Variants in ADAMTSL1 observed in about 807,000 individuals in gnomAD.
ADAMTSL1 encodes the protein ADAMTS-like protein 1.
In ADAMTSL1, 126 loss-of-function variants were observed where a neutral mutation model predicts 201.8. The observed-to-expected ratio is 0.62, with a 90% CI of 0.54 to 0.72. The LOEUF (loss-of-function observed/expected upper bound fraction) is 0.72, where lower values mean the gene tolerates loss of function less well. ADAMTSL1 is among the 30% of genes least tolerant of loss of function. The pLI, the probability that ADAMTSL1 is intolerant of heterozygous loss-of-function variation, is 0.00. For missense variants in ADAMTSL1, 2,679 were observed against 2,277.8 expected, an observed-to-expected ratio of 1.18 and a Z score of -3.59; for synonymous variants, 1,121 against 903.4, an observed-to-expected ratio of 1.24 and a Z score of -4.32.
chr9:18,100,574 C>G (rs1193543782), intron 1 of ADAMTSL1, among the ~76,000 whole-genome samples: 2 of 152,160 alleles, frequency 1.3e-5, no homozygotes, highest in Non-Finnish European at 2.9e-5. Context: ...TCTGAAACTT[C>G]CTAAGTCTAT....
intron 26 of ADAMTSL1, among the ~76,000 whole-genome samples, chr9:18,904,426 A>G (rs10963829): frequency 0.6 from 91,215 of 151,420 alleles, 28,610 homozygotes; most frequent in African/African-American, 0.78. Flanking sequence ...CCGAGATTGC[A>G]CCACTGCACT....
At chr9:18,598,526 T>G (rs565542744) in intron 4 of ADAMTSL1, among the ~76,000 whole-genome samples, 2 of 152,340 alleles carry the variant, frequency 1.3e-5, no homozygotes, top group South Asian at 4.1e-4. Context: ...CATTACTAAG[T>G]GCACTTCAGT....
At chr9:18,586,126 A>T (rs1347462312) in intron 4 of ADAMTSL1, among the ~76,000 whole-genome samples, 2 of 152,078 alleles carry the variant, frequency 1.3e-5, no homozygotes, top group African/African-American at 4.8e-5. Context: ...AAGCATCCAA[A>T]TAGGAAGAAA....
intron 19 of ADAMTSL1, among the ~76,000 whole-genome samples, chr9:18,790,520 T>C (rs1338562225): frequency 6.6e-6 from 1 of 152,184 alleles, no homozygotes; most frequent in African/African-American, 2.4e-5. Flanking sequence ...ATAAGAGCCC[T>C]TAAGCACTAC....
At chr9:18,280,830 AG>A (rs1403843839) in intron 2 of ADAMTSL1, among the ~76,000 whole-genome samples, 1 of 150,502 alleles carries the variant, frequency 6.6e-6, no homozygotes, top group African/African-American at 2.4e-5. Context: ...CAAATATTTA[AG>A]GCTCTAAATC....
At chr9:18,173,255 A>G (rs149666701) in intron 2 of ADAMTSL1, among the ~76,000 whole-genome samples, 20 of 152,256 alleles carry the variant, frequency 1.3e-4, no homozygotes, top group African/African-American at 4.6e-4. Context: ...GAACTGGAAA[A>G]TCACTGAAAC....
intron 9 of ADAMTSL1, among the ~76,000 whole-genome samples, chr9:18,672,066 A>T (rs1299754911): frequency 6.6e-6 from 1 of 152,020 alleles, no homozygotes; most frequent in Non-Finnish European, 1.5e-5. Flanking sequence ...AAAAAAAAGA[A>T]CAGAACCCCG....
intron 13 of ADAMTSL1, among the ~76,000 whole-genome samples, chr9:18,693,312 C>A (rs1190879525): frequency 6.6e-6 from 1 of 152,228 alleles, no homozygotes; most frequent in Non-Finnish European, 1.5e-5. Flanking sequence ...AGAATTTCAA[C>A]TTACCTCAAG....
chr9:18,376,540 C>T (rs2133157248), intron 2 of ADAMTSL1, among the ~76,000 whole-genome samples: 1 of 152,330 alleles, frequency 6.6e-6, no homozygotes, highest in African/African-American at 2.4e-5. Flanking sequence ...GGCGGTGGCT[C>T]ATGCCTGTAA....
intron 1 of ADAMTSL1, among the ~76,000 whole-genome samples, chr9:17,936,136 T>G (rs1430698914): frequency 1.3e-5 from 2 of 152,180 alleles, no homozygotes; most frequent in Admixed American, 1.3e-4. Flanking sequence ...CTCCCCTGAT[T>G]TGGGGCCAAC....
intron 2 of ADAMTSL1, among the ~76,000 whole-genome samples, chr9:18,225,627 A>G (rs1426034528): frequency 6.6e-6 from 1 of 152,166 alleles, no homozygotes; most frequent in Admixed American, 6.6e-5. Context: ...ACTCTTTTAG[A>G]TAACCTTCAG....
chr9:18,775,260 T>G (rs1195071526), intron 17 of ADAMTSL1, among the ~76,000 whole-genome samples: 3 of 152,222 alleles, frequency 2.0e-5, no homozygotes, highest in Non-Finnish European at 4.4e-5. Flanking sequence ...ACAAAGTAGA[T>G]TCATAACTAC....
intron 2 of ADAMTSL1, among the ~76,000 whole-genome samples, chr9:18,367,870 G>A (rs1396343585): frequency 6.6e-6 from 1 of 151,686 alleles, no homozygotes; most frequent in African/African-American, 2.4e-5. Context: ...TGAAGATGAA[G>A]GAGTCTTGTA....
chr9:18,101,811 C>T (rs747013866), intron 1 of ADAMTSL1, among the ~76,000 whole-genome samples: 13 of 152,144 alleles, frequency 8.5e-5, no homozygotes, highest in Non-Finnish European at 8.8e-5. Context: ...AGCTGGCCCT[C>T]GGCTCTAGTG....
At chr9:17,971,043 A>G (rs1325713344) in intron 1 of ADAMTSL1, among the ~76,000 whole-genome samples, 1 of 152,126 alleles carries the variant, frequency 6.6e-6, no homozygotes, top group East Asian at 1.9e-4. Flanking sequence ...CTGTTTGCAC[A>G]CATACATATA....
At chr9:18,856,817 G>A (rs1826882132) in intron 23 of ADAMTSL1, among the ~76,000 whole-genome samples, 1 of 152,032 alleles carries the variant, frequency 6.6e-6, no homozygotes, top group African/African-American at 2.4e-5. Context: ...CAAACTTACT[G>A]CGTTACAGAC....
chr9:18,567,643 C>T (rs143606856), intron 3 of ADAMTSL1, among the ~76,000 whole-genome samples: 3 of 151,974 alleles, frequency 2.0e-5, no homozygotes, highest in African/African-American at 7.3e-5. Context: ...GTAGTCCCCC[C>T]CTTATTCTCA....
intron 1 of ADAMTSL1, among the ~76,000 whole-genome samples, chr9:17,959,233 G>A (rs76195313): frequency 0.012 from 1,889 of 152,152 alleles, 39 homozygotes; most frequent in African/African-American, 0.044. Context: ...GCATTTAGAT[G>A]TTATTTGATT....
chr9:18,757,496 G>A (rs1403158596), intron 16 of ADAMTSL1, among the ~76,000 whole-genome samples: 1 of 152,102 alleles, frequency 6.6e-6, no homozygotes, highest in Non-Finnish European at 1.5e-5. Context: ...TCTAAAGCCA[G>A]TACATGTCTT....
Sources: gnomAD v4.1 joint callset for allele counts (sites outside exome capture counted in the v4.1 genomes callset) on GRCh38, gnomAD v4.1.1 for gene constraint, MANE v1.5 for transcripts, NCBI Gene and HGNC (gene_info 2026-07-23, HGNC 2026-07-21) for gene names.